PRKG1: variants seen among roughly 807,000 people sequenced by gnomAD.
The protein encoded by PRKG1 is protein kinase cGMP-dependent 1.
PRKG1 carries 35 observed loss-of-function variants against 88.1 expected under a neutral mutation model. That is an observed-to-expected ratio of 0.40 (90% CI 0.30 to 0.53). The LOEUF (loss-of-function observed/expected upper bound fraction) is 0.53. PRKG1 is among the 20% of genes least tolerant of loss of function. The pLI is 0.59. For synonymous variants in PRKG1, 303 were observed against 292.5 expected (o/e 1.04, Z -0.37); for missense variants, 540 against 839.8 (o/e 0.64, Z 4.41).
At chr10:51,810,689 G>A (rs181946210) in intron 4 of PRKG1, among the ~76,000 whole-genome samples, 6 of 149,736 alleles carry the variant, frequency 4.0e-5, no homozygotes, top group African/African-American at 1.5e-4. Flanking sequence ...TATGTATTAT[G>A]AATGTAAGTG....
intron 3 of PRKG1, among the ~76,000 whole-genome samples, chr10:51,800,611 G>A (rs181712391): frequency 1.3e-5 from 2 of 152,098 alleles, no homozygotes; most frequent in East Asian, 3.9e-4. Flanking sequence ...TTTTAAGTGG[G>A]ACCACTGTAA....
chr10:51,109,356 G>C (rs1452165179), intron 1 of PRKG1, among the ~76,000 whole-genome samples: 1 of 152,140 alleles, frequency 6.6e-6, no homozygotes, highest in Non-Finnish European at 1.5e-5. Context: ...TAGCTGTGTG[G>C]TGTTGGCATA....
intron 3 of PRKG1, among the ~76,000 whole-genome samples, chr10:51,548,140 A>T (rs912037925): frequency 1.3e-5 from 2 of 152,120 alleles, no homozygotes; most frequent in African/African-American, 2.4e-5. Flanking sequence ...ACAGTGTTCC[A>T]GAAGCTGATG....
chr10:51,075,532 G>A (rs982963614), intron 1 of PRKG1, among the ~76,000 whole-genome samples: 14 of 152,198 alleles, frequency 9.2e-5, no homozygotes, highest in Admixed American at 9.2e-4. Context: ...TGATTTTGAA[G>A]AAATATTTTT....
At chr10:52,233,393 T>A (rs1053527222) in intron 9 of PRKG1, among the ~76,000 whole-genome samples, 1 of 151,226 alleles carries the variant, frequency 6.6e-6, no homozygotes, top group Admixed American at 6.6e-5. Flanking sequence ...TGCATTTCCA[T>A]CTGAGGTACC....
At chr10:51,450,270 T>C (rs1260918124) in intron 2 of PRKG1, among the ~76,000 whole-genome samples, 1 of 151,980 alleles carries the variant, frequency 6.6e-6, no homozygotes, top group Non-Finnish European at 1.5e-5. Flanking sequence ...CAAGATAAAG[T>C]TTATATTTTA....
At chr10:51,544,518 G>A (rs548302893) in intron 3 of PRKG1, among the ~76,000 whole-genome samples, 4 of 152,046 alleles carry the variant, frequency 2.6e-5, no homozygotes, top group East Asian at 1.9e-4. Flanking sequence ...GTAAACATAC[G>A]TGTGCATGTG....
intron 5 of PRKG1, among the ~76,000 whole-genome samples, chr10:51,915,193 C>T (rs1401564137): frequency 6.6e-6 from 1 of 152,172 alleles, no homozygotes; most frequent in African/African-American, 2.4e-5. Flanking sequence ...AAAAGTCCTG[C>T]CTTAGGCGGA....
intron 3 of PRKG1, among the ~76,000 whole-genome samples, chr10:51,641,402 A>C (rs1344935800): frequency 6.6e-6 from 1 of 152,150 alleles, no homozygotes; most frequent in South Asian, 2.1e-4. Context: ...AAGGTGATGA[A>C]TTTTTTAGTC....
intron 4 of PRKG1, among the ~76,000 whole-genome samples, chr10:51,830,512 C>G (rs1162330637): frequency 7.0e-6 from 1 of 143,484 alleles, no homozygotes; most frequent in African/African-American, 2.5e-5. Flanking sequence ...ATTGTGATCT[C>G]TATAGTATAA....
intron 9 of PRKG1, among the ~76,000 whole-genome samples, chr10:52,223,543 A>T (rs1339715942): frequency 6.6e-6 from 1 of 152,036 alleles, no homozygotes; most frequent in Non-Finnish European, 1.5e-5. Flanking sequence ...TCTCTTCTCT[A>T]TCTATCCTTT....
intron 5 of PRKG1, among the ~76,000 whole-genome samples, chr10:51,975,106 T>A (rs1843797707): frequency 2.0e-5 from 3 of 152,120 alleles, no homozygotes. Flanking sequence ...ACATGCTGAG[T>A]GCATTAAATG....
In PRKG1 at chr10:52,216,123, G is replaced by T. The variant is rs12414969; in HGVS notation, c.1077-35447G>T. On this transcript the variant is annotated intron_variant, in intron 9 of 17. Coordinates refer to ENST00000373980, the MANE Select transcript of PRKG1 (RefSeq NM_006258.4). ...GCAGACTTGGGAGATTCTTCAGACT[G>T]CTTCCAAGAATGCAAAGGAGCTATT... Among the ~76,000 whole-genome samples, 3,840 of 152,292 alleles carry T rather than the reference G, an allele frequency of 0.025. 340 individuals carry two copies. The East Asian group carries it at 0.33, about 13-fold the overall frequency.
At chr10:51,625,296 G>A (rs1839307382) in intron 3 of PRKG1, among the ~76,000 whole-genome samples, 1 of 152,006 alleles carries the variant, frequency 6.6e-6, no homozygotes, top group South Asian at 2.1e-4. Flanking sequence ...GGCTAACATG[G>A]TGAAACCCCA....
At chr10:51,404,015 A>C (rs540239932) in intron 2 of PRKG1, among the ~76,000 whole-genome samples, 2 of 152,310 alleles carry the variant, frequency 1.3e-5, no homozygotes, top group East Asian at 3.9e-4. Context: ...CCAGATACTT[A>C]ACATTTTGTT....
intron 1 of PRKG1, among the ~76,000 whole-genome samples, chr10:50,998,110 G>A (rs766121313): frequency 6.6e-5 from 10 of 152,194 alleles, no homozygotes; most frequent in African/African-American, 1.2e-4. Flanking sequence ...TGCTTAGCCC[G>A]GAAAAAGGTA....
chr10:52,114,557 A>ACTATATATATATAC (rs1554805858), intron 7 of PRKG1, among the ~76,000 whole-genome samples: 14 of 150,026 alleles, frequency 9.3e-5, no homozygotes, highest in African/African-American at 3.5e-4. Context: ...TAATATGCTG[A>ACTATATATATATAC]ATATATATAT....
intron 2 of PRKG1, among the ~76,000 whole-genome samples, chr10:51,162,282 T>C (rs564067048): frequency 1.3e-5 from 2 of 152,088 alleles, no homozygotes; most frequent in Non-Finnish European, 2.9e-5. Flanking sequence ...TCTGAAGTTC[T>C]TATTTGAATT....
chr10:51,178,141 G>A (rs188053322), intron 2 of PRKG1, among the ~76,000 whole-genome samples: 258 of 151,830 alleles, frequency 1.7e-3, no homozygotes, highest in Non-Finnish European at 2.8e-3. Context: ...TGACAGGAGG[G>A]AGAAATGTTT....
Sources: gnomAD v4.1 joint callset for allele counts (sites outside exome capture counted in the v4.1 genomes callset) on GRCh38, gnomAD v4.1.1 for gene constraint, MANE v1.5 for transcripts, NCBI Gene and HGNC (gene_info 2026-07-23, HGNC 2026-07-21) for gene names.